SLC29A1: variants seen among roughly 807,000 people sequenced by gnomAD.
SLC29A1 encodes the protein solute carrier family 29 member 1 (Augustine blood group).
Under a neutral mutation model 48.3 loss-of-function variants are expected in SLC29A1, and 22 were observed. That is an observed-to-expected ratio of 0.46 (90% CI 0.33 to 0.65). The LOEUF is 0.65. Ranked by LOEUF, SLC29A1 falls within the 30% of genes least tolerant of loss-of-function variation. The pLI is 0.03. For missense variants in SLC29A1, 491 were observed against 575.3 expected (o/e 0.85, Z 1.50); for synonymous variants, 228 against 231.0 (o/e 0.99, Z 0.12).
chr6:44,219,804 GGCCTGGCGGGGCGGGGTGGGGT>G, upstream of SLC29A1: 1 of 1,231,062 alleles, frequency 8.1e-7, no homozygotes, highest in South Asian at 1.3e-5. Context: ...GGGGCCGGGG[GGCCTGGCGGGGCGGGGTGGGGT>G]GGGGGCGAGG....
At chr6:44,231,030 G>A in intron 8 of SLC29A1, 141 bp downstream of exon 8, 2 of 716,522 alleles carry the variant, frequency 2.8e-6, no homozygotes, top group East Asian at 2.5e-5. Flanking sequence ...AGCAGGGAGA[G>A]GGGGACAATA....
chr6:44,223,718 C>A lies in SLC29A1; in HGVS notation c.-52+77C>A. The A allele has an allele frequency of 9.3e-7, 1 of 1,080,086 alleles. No homozygotes were observed. Among genetic ancestry groups the A allele is most frequent in the Non-Finnish European group, 1.1e-6 (1 of 880,556 alleles). The allele number at this position is 1,080,086 out of a possible 1,614,324, so 66.9% of individuals were successfully genotyped here. On this transcript the variant is annotated intron_variant, in intron 1 of 12. Transcript: ENST00000371755. The surrounding 1 kb of genome is among the most constrained non-coding windows in gnomAD (Gnocchi z 5.0). The stretch of plus-strand genomic sequence containing the variant: ...GCCGCTGCCCGCCTGCCACGGAGGG[C>A]AGGGAGGGCGGGCCTGACGGCTCCG...
intron 1 of SLC29A1, chr6:44,226,916 T>TC: frequency 9.3e-7 from 1 of 1,071,348 alleles, no homozygotes; most frequent in Non-Finnish European, 1.1e-6. Flanking sequence ...TGACTGTCTT[T>TC]CCCTCCCTCC....
chr6:44,230,216 G>C (rs1051196128), intron 5 of SLC29A1, 131 bp from the exon 6 acceptor site: 12 of 1,483,592 alleles, frequency 8.1e-6, no homozygotes, highest in African/African-American at 4.1e-5. Context: ...GGGCTGGGAG[G>C]GGGCAGAGAG....
chr6:44,233,342 C>A (rs1488401649), intron 12 of SLC29A1, 75 bp from the exon 13 acceptor site: 2 of 1,262,764 alleles, frequency 1.6e-6, no homozygotes, highest in East Asian at 2.3e-5. Flanking sequence ...TCCACCCCAC[C>A]CCTCCTTCCA....
rs1305869004 is a variant in SLC29A1, at chr6:44,229,860, C to G, written c.315-47C>G. On this transcript the variant is annotated intron_variant, in intron 4 of 12. Coordinates refer to ENST00000371755, the MANE Select transcript of SLC29A1 (RefSeq NM_001372327.1). The surrounding 1 kb of genome is among the most constrained non-coding windows in gnomAD (Gnocchi z 5.1). ...GTGTCCTGCACCCCCTTGGCTGAGCCCCAGCTTTGCCCACTTGTCTCTGCC... is the reference window on the plus strand; with the variant it reads ...GTGTCCTGCACCCCCTTGGCTGAGCGCCAGCTTTGCCCACTTGTCTCTGCC... The G allele has an allele frequency of 1.2e-6, 2 of 1,611,648 alleles. No individual in the cohort carries two copies. Among genetic ancestry groups the G allele is most frequent in the South Asian group, 1.1e-5 (1 of 91,066 alleles).
rs1778899355 is a variant in SLC29A1, at chr6:44,231,599, G to A, written c.864+138G>A. On this transcript the variant is annotated intron_variant, in intron 9 of 12. Coordinates refer to ENST00000371755, the MANE Select transcript of SLC29A1 (RefSeq NM_001372327.1). ...TGGATTCTTTTGTGTGTGCGTGCGT[G>A]CCCATGCGTGCGTGCCGGGGGTGGG... The A allele has an allele frequency of 7.7e-6, 5 of 646,040 alleles. No individual in the cohort carries two copies. In the East Asian group the frequency reaches 1.4e-4, roughly 18 times the overall value. 40.0% of individuals were successfully genotyped at this position (646,040 alleles called of 1,614,324 possible). A position where few individuals can be genotyped will look rare whatever the true frequency, so the allele number is the denominator to read the frequency against.
In SLC29A1 at chr6:44,233,518, C is replaced by A; in HGVS notation, c.1361C>A (p.Ala454Glu). 6.2e-7 allele frequency: 1 copy of A among 1,613,334 alleles called. No homozygotes were observed. Among genetic ancestry groups the A allele is most frequent in the Non-Finnish European group, 8.5e-7 (1 of 1,179,286 alleles). The part of the protein sequence containing the change: ...LGAVFSFLFR[A>E]IV Reference sequence around the variant, plus strand: ...GCTGTTTTCTCCTTCCTGTTCCGGGCAATTGTGTGACAAAGGATGGACAGA... The same window carrying A: ...GCTGTTTTCTCCTTCCTGTTCCGGGAAATTGTGTGACAAAGGATGGACAGA... Residue 454 changes from alanine (A) to glutamate (E), a missense_variant, in exon 13 of 13, where the codon GCA (alanine) becomes GAA (glutamate). Coordinates refer to ENST00000371755, the MANE Select transcript of SLC29A1 (RefSeq NM_001372327.1).
chr6:44,232,779 G>A lies in SLC29A1; in HGVS notation c.1060-28G>A. 1.2e-6 allele frequency: 2 copies of A among 1,602,050 alleles called. No homozygotes were observed. Among genetic ancestry groups the A allele is most frequent in the Non-Finnish European group, 1.7e-6 (2 of 1,177,772 alleles). ...TGGCTGTGCCCTGGGGTGGCGGCCT[G>A]GGCTGAGGCCCTGCCTGGTGCCCAC... On this transcript the variant is annotated intron_variant, in intron 11 of 12. Coordinates refer to ENST00000371755, the MANE Select transcript of SLC29A1 (RefSeq NM_001372327.1). The surrounding 1 kb of genome is among the most constrained non-coding windows in gnomAD (Gnocchi z 4.7).
intron 1 of SLC29A1, chr6:44,226,973 C>T: frequency 8.7e-7 from 1 of 1,149,622 alleles, no homozygotes; most frequent in Non-Finnish European, 1.1e-6. Flanking sequence ...CCTCCTGTTT[C>T]CCAGCTTATA....
intron 1 of SLC29A1, chr6:44,225,822 G>C (rs1166054015): frequency 6.6e-6 from 1 of 151,856 alleles, no homozygotes; most frequent in Non-Finnish European, 1.5e-5. Context: ...AGGTCTCATG[G>C]TGCCCAGCTG....
In SLC29A1 at chr6:44,229,652, G is replaced by A; in HGVS notation, c.175G>A (p.Asp59Asn). 3 of 1,614,174 alleles carry A rather than the reference G, an allele frequency of 1.9e-6. No individual in the cohort carries two copies. Among genetic ancestry groups the A allele is most frequent in the Non-Finnish European group, 2.5e-6 (3 of 1,180,034 alleles). The change falls in exon 4 of 13, where the codon GAC becomes AAC. Residue 59 changes from aspartate (D) to asparagine (N), a missense_variant. Physicochemically the swap from Asp to Asn is conservative, Grantham distance 23 (BLOSUM62 1). Transcript: ENST00000371755. The surrounding 1 kb of genome is among the most constrained non-coding windows in gnomAD (Gnocchi z 5.1). ...VSLVTAELSK[D>N]AQASAAPAAP... Reference sequence around the variant, plus strand: ...CTTGGTCACTGCTGAACTGAGCAAGGACGCCCAGGCGTCAGCCGCCCCTGC... The same window carrying A: ...CTTGGTCACTGCTGAACTGAGCAAGAACGCCCAGGCGTCAGCCGCCCCTGC...
Position 44,233,443 on chromosome 6 carries a change from C to T in SLC29A1, c.1286C>T (p.Thr429Ile), listed in dbSNP as rs772483665. The T allele has an allele frequency of 3.1e-6, 5 of 1,613,986 alleles. No individual in the cohort carries two copies. Among genetic ancestry groups the T allele is most frequent in the East Asian group, 4.5e-5 (2 of 44,888 alleles). ...AAAGTGAAGCCAGCTGAGGCAGAGA[C>T]CGCAGGAGCCATCATGGCCTTCTTC... is the stretch of plus-strand genomic sequence containing the variant. The part of the protein sequence containing the change: ...PKKVKPAEAE[T>I]AGAIMAFFLC... Residue 429 changes from threonine to isoleucine, a missense_variant, in exon 13 of 13, where the codon ACC becomes ATC. Transcript: ENST00000371755.
intron 2 of SLC29A1, among the ~76,000 whole-genome samples, chr6:44,228,614 T>C (rs1030071231): frequency 6.6e-6 from 1 of 152,190 alleles, no homozygotes; most frequent in African/African-American, 2.4e-5. Flanking sequence ...CAACTGGAGA[T>C]CTACATGGGC....
rs760410642 is a variant in SLC29A1, at chr6:44,231,466, G to T, written c.864+5G>T. On this transcript the variant is annotated splice_donor_5th_base_variant and intron_variant, in intron 9 of 12. Coordinates refer to ENST00000371755, the MANE Select transcript of SLC29A1 (RefSeq NM_001372327.1). The stretch of plus-strand genomic sequence containing the variant: ...ATCAAAGCCATCCTGAAAAATGTAC[G>T]TAGGGGAGGTTATCCTATCTTCTAC... 3.2e-6 allele frequency: 5 copies of T among 1,572,184 alleles called. No homozygotes were observed. The highest frequency in any genetic ancestry group is 4.5e-5 in the East Asian group (2 of 44,552).
chr6:44,223,331 GC>G (rs1262013006), upstream of SLC29A1, among the ~76,000 whole-genome samples: 1 of 152,062 alleles, frequency 6.6e-6, no homozygotes, highest in African/African-American at 2.4e-5. This position sits in a 1 kb window ranked among gnomAD's most constrained non-coding sequence, Gnocchi z 5.0. Context: ...GTACCCTCCA[GC>G]CCCATGTACC....
At chr6:44,224,369 T>G (rs1275579067) in intron 1 of SLC29A1, among the ~76,000 whole-genome samples, 1 of 151,526 alleles carries the variant, frequency 6.6e-6, no homozygotes, top group African/African-American at 2.4e-5. Context: ...AGGATGTGTG[T>G]GATGGGGCGG....
In SLC29A1 at chr6:44,223,998, A is replaced by T; in HGVS notation, c.-52+357A>T. 1.4e-4 allele frequency: 123 copies of T among 904,250 alleles called. No homozygotes were observed. Among genetic ancestry groups the T allele is most frequent in the Non-Finnish European group, 1.5e-4 (112 of 757,476 alleles). 56.0% of individuals were successfully genotyped at this position (904,250 alleles called of 1,614,324 possible). On this transcript the variant is annotated intron_variant, in intron 1 of 12. Transcript: ENST00000371755. This position sits in a 1 kb window ranked among gnomAD's most constrained non-coding sequence, Gnocchi z 5.0. ...GCCGTGCCGCTGACTGCGCTGGCGG[A>T]GGGGTATGGGGATGGGGATGGGGAT... is the stretch of plus-strand genomic sequence containing the variant.
At chr6:44,225,537 G>A (rs959318898) in intron 1 of SLC29A1, among the ~76,000 whole-genome samples, 21 of 150,440 alleles carry the variant, frequency 1.4e-4, no homozygotes, top group Non-Finnish European at 2.8e-4. Flanking sequence ...AAAAATCTGA[G>A]ACCTGAGGCT....
Sources: gnomAD v4.1 joint callset for allele counts (sites outside exome capture counted in the v4.1 genomes callset) on GRCh38, gnomAD v4.1.1 for gene constraint, Gnocchi (gnomAD v3.1) non-coding constraint, MANE v1.5 for transcripts, NCBI Gene and HGNC (gene_info 2026-07-23, HGNC 2026-07-21) for gene names.